The following KLHDC1 variants were observed in gnomAD, a reference collection of about 807,000 sequenced individuals.
KLHDC1 encodes the protein kelch domain containing 1, also known as kelch domain-containing protein 1.
KLHDC1 carries 53 observed loss-of-function variants against 68.3 expected under a neutral mutation model. The ratio of observed to expected loss-of-function variants is 0.78; its 90% CI spans 0.62 to 0.98. The LOEUF (loss-of-function observed/expected upper bound fraction) is 0.98, where lower values mean the gene tolerates loss of function less well. Ranked by LOEUF, KLHDC1 falls within the 50% of genes least tolerant of loss-of-function variation. KLHDC1 has a pLI of 0.00. For synonymous variants in KLHDC1, 148 were observed against 159.0 expected (o/e 0.93, Z 0.52); for missense variants, 470 against 492.3 (o/e 0.95, Z 0.43).
chr14:49,716,785 ATGT>A (rs1173378078), intron 4 of KLHDC1, among the ~76,000 whole-genome samples: 1 of 152,110 alleles, frequency 6.6e-6, no homozygotes, highest in African/African-American at 2.4e-5. Context: ...TACCTTCATA[ATGT>A]TGTGCAACCA....
At chr14:49,693,454 C>A (rs1228373398) in intron 1 of KLHDC1, among the ~76,000 whole-genome samples, 164 bp downstream of exon 1, 1 of 151,842 alleles carries the variant, frequency 6.6e-6, no homozygotes, top group Non-Finnish European at 1.5e-5. Context: ...CACAGCCGCG[C>A]CAGGGCTTGA....
intron 1 of KLHDC1, among the ~76,000 whole-genome samples, chr14:49,705,759 T>C (rs1352425168): frequency 2.0e-5 from 3 of 152,158 alleles, no homozygotes; most frequent in Non-Finnish European, 4.4e-5. Context: ...CCCCTTCTTA[T>C]AATTATTTGT....
At position 49,713,819 on chromosome 14, in the gene KLHDC1, TATATATATATA is replaced by T. The variant is rs1888279944; in HGVS notation, c.404+3439_404+3449del. ...GGAGGTATATATATATATATATATA[TATATATATATA>T]TATATATATATATATATATATTTTT... On this transcript the variant is annotated intron_variant, in intron 4 of 12. Transcript: ENST00000359332. 1.8e-3 allele frequency among the ~76,000 whole-genome samples: 5 copies of T among 2,810 alleles called. 2 individuals are homozygous for T. Among genetic ancestry groups the T allele is most frequent in the South Asian group, 0.02 (2 of 100 alleles). 1.8% of individuals were successfully genotyped at this position (2,810 alleles called of 152,430 possible). A position where few individuals can be genotyped will look rare whatever the true frequency, so the allele number is the denominator to read the frequency against.
chr14:49,718,465 G>C (rs1002082163), intron 4 of KLHDC1, among the ~76,000 whole-genome samples: 1 of 151,376 alleles, frequency 6.6e-6, no homozygotes, highest in Non-Finnish European at 1.5e-5. Context: ...TGTACTTTTA[G>C]AGACAAGGTT....
At chr14:49,728,052 T>C (rs1349907581) in intron 6 of KLHDC1, among the ~76,000 whole-genome samples, 6 of 152,230 alleles carry the variant, frequency 3.9e-5, no homozygotes, top group Non-Finnish European at 8.8e-5. Context: ...GGTGGCGTAA[T>C]GGCTCACGCC....
chr14:49,740,285 A>AATGTT, intron 11 of KLHDC1, 103 bp downstream of exon 11: 1 of 646,314 alleles, frequency 1.5e-6, no homozygotes, highest in East Asian at 2.9e-5. Context: ...GCAAAATATG[A>AATGTT]AGGGCCTGAA....
At chr14:49,729,961 G>C (rs1888762191) in intron 8 of KLHDC1, among the ~76,000 whole-genome samples, 1 of 152,080 alleles carries the variant, frequency 6.6e-6, no homozygotes, top group Non-Finnish European at 1.5e-5. Flanking sequence ...TGGAATCAGA[G>C]CTATATATTA....
rs1889124779 is a variant in KLHDC1, at chr14:49,743,740, T to A, written c.982-13T>A. The A allele has an allele frequency of 3.2e-6, 5 of 1,551,118 alleles. No homozygotes were observed. The highest frequency in any genetic ancestry group is 4.4e-6 in the Non-Finnish European group (5 of 1,133,204). ...TATCAAAAACTTAATAATGCCTTTT[T>A]TGTGTTGATTAGGGTCACTGTAATG... On this transcript the variant is annotated splice_polypyrimidine_tract_variant and intron_variant, in intron 11 of 12. Transcript: ENST00000359332.
chr14:49,723,719 G>T (rs146397479), intron 4 of KLHDC1, among the ~76,000 whole-genome samples, 155 bp from the exon 5 acceptor site: 9 of 152,008 alleles, frequency 5.9e-5, no homozygotes, highest in African/African-American at 2.2e-4. Flanking sequence ...TTCTGGAATT[G>T]GTTTATTTAG....
intron 12 of KLHDC1, among the ~76,000 whole-genome samples, chr14:49,747,336 T>C (rs1268302780): frequency 6.6e-6 from 1 of 152,176 alleles, no homozygotes; most frequent in African/African-American, 2.4e-5. Flanking sequence ...TCTCTGTTAG[T>C]GAAGGGTGAC....
chr14:49,716,273 A>T (rs751826827), intron 4 of KLHDC1, among the ~76,000 whole-genome samples: 4 of 151,870 alleles, frequency 2.6e-5, no homozygotes, highest in South Asian at 2.1e-4. Flanking sequence ...GTATTTTTGG[A>T]CCTTTAAAGG....
intron 8 of KLHDC1, among the ~76,000 whole-genome samples, chr14:49,731,966 G>A (rs1210959132): frequency 2.6e-5 from 4 of 151,962 alleles, no homozygotes; most frequent in Non-Finnish European, 5.9e-5. Flanking sequence ...AATGTTTTGG[G>A]AAATTCTAGA....
chr14:49,713,508 T>C (rs1408416318), intron 4 of KLHDC1, among the ~76,000 whole-genome samples: 2 of 152,094 alleles, frequency 1.3e-5, no homozygotes, highest in African/African-American at 4.8e-5. Flanking sequence ...CTTTCGCCTT[T>C]AGAATCAATT....
Position 49,751,816 on chromosome 14 carries a change from T to A in KLHDC1, c.*44T>A. ...TATTTAGTATGTTTTAACTTTTTAA[T>A]CAGACTATACATTTACACTCCCAAA... On this transcript the variant is annotated 3_prime_UTR_variant, in exon 13 of 13. Transcript: ENST00000359332. 1.9e-6 allele frequency: 2 copies of A among 1,080,376 alleles called. No homozygotes were observed. Among genetic ancestry groups the A allele is most frequent in the Non-Finnish European group, 1.3e-6 (1 of 770,670 alleles). The allele number at this position is 1,080,376 out of a possible 1,614,324, so 66.9% of individuals were successfully genotyped here.
At position 49,736,721 on chromosome 14, in the gene KLHDC1, T is replaced by G. The variant is rs118191705; in HGVS notation, c.896+2060T>G. ...CTGACATTTTGGACCACATAATTCTTTGTCATGAGGGTGTCCTGTGCATTG... is the reference window on the plus strand; with the variant it reads ...CTGACATTTTGGACCACATAATTCTGTGTCATGAGGGTGTCCTGTGCATTG... On this transcript the variant is annotated intron_variant, in intron 10 of 12. Transcript: ENST00000359332. Among the ~76,000 whole-genome samples the G allele has an allele frequency of 9.5e-4, 144 of 152,326 alleles. 3 individuals are homozygous for G. The East Asian group carries it at 0.024, about 25-fold the overall frequency.
At chr14:49,744,331 C>T (rs1182671598) in intron 12 of KLHDC1, among the ~76,000 whole-genome samples, 1 of 151,218 alleles carries the variant, frequency 6.6e-6, no homozygotes, top group Non-Finnish European at 1.5e-5. Context: ...TGTGTATGTA[C>T]ACATACAATA....
intron 6 of KLHDC1, among the ~76,000 whole-genome samples, chr14:49,728,594 GGA>G (rs1047376774): frequency 4.0e-5 from 6 of 151,898 alleles, no homozygotes; most frequent in African/African-American, 7.3e-5. Flanking sequence ...GAGGAGAGAG[GGA>G]GAGAGAGAAC....
chr14:49,738,985 C>G (rs1888997975), intron 10 of KLHDC1, among the ~76,000 whole-genome samples: 1 of 152,212 alleles, frequency 6.6e-6, no homozygotes, highest in Non-Finnish European at 1.5e-5. Flanking sequence ...ACCTCATAAT[C>G]TTAGTTAGCT....
In KLHDC1 at chr14:49,751,818, A is replaced by T; in HGVS notation, c.*46A>T. Reference sequence around the variant, plus strand: ...TTTAGTATGTTTTAACTTTTTAATCAGACTATACATTTACACTCCCAAATT... The same window carrying T: ...TTTAGTATGTTTTAACTTTTTAATCTGACTATACATTTACACTCCCAAATT... On this transcript the variant is annotated 3_prime_UTR_variant, in exon 13 of 13. Coordinates refer to ENST00000359332, the MANE Select transcript of KLHDC1 (RefSeq NM_172193.3). The T allele has an allele frequency of 9.7e-7, 1 of 1,025,968 alleles. No homozygotes were observed. Among genetic ancestry groups the T allele is most frequent in the Non-Finnish European group, 1.4e-6 (1 of 733,436 alleles). The allele number at this position is 1,025,968 out of a possible 1,614,324, so 63.6% of individuals were successfully genotyped here. A position where few individuals can be genotyped will look rare whatever the true frequency, so the allele number is the denominator to read the frequency against.
Sources: allele counts gnomAD v4.1 joint callset (sites outside exome capture counted in the v4.1 genomes callset), GRCh38; gene constraint gnomAD v4.1.1; transcripts MANE v1.5; gene names NCBI Gene and HGNC (gene_info 2026-07-23, HGNC 2026-07-21).